The following SDK1 variants were observed in gnomAD, a reference collection of about 807,000 sequenced individuals.
SDK1 encodes sidekick cell adhesion molecule 1, also known as protein sidekick-1.
SDK1 carries 157 observed loss-of-function variants against 245.5 expected under a neutral mutation model. The ratio of observed to expected loss-of-function variants is 0.64; its 90% CI spans 0.56 to 0.73. The LOEUF is 0.73. Among genes scored for constraint, SDK1 ranks in the 30% least tolerant of loss-of-function variants. The pLI is 0.00. For missense variants in SDK1, 3,583 were observed against 3,002.3 expected, an observed-to-expected ratio of 1.19 and a Z score of -4.52; for synonymous variants, 1,647 against 1,278.5, an observed-to-expected ratio of 1.29 and a Z score of -6.15.
chr7:3,952,915 C>G (rs921018391), intron 7 of SDK1, among the ~76,000 whole-genome samples: 5 of 152,108 alleles, frequency 3.3e-5, no homozygotes, highest in Admixed American at 6.5e-5. Flanking sequence ...CTTTATTTCT[C>G]TCATTTTTCC....
chr7:3,828,587 G>C (rs1320091222), intron 5 of SDK1, among the ~76,000 whole-genome samples: 1 of 140,650 alleles, frequency 7.1e-6, no homozygotes, highest in African/African-American at 2.6e-5. Context: ...GAGAAGGTTT[G>C]TTTTGGTTTG....
At chr7:3,379,039 G>A (rs543288749) in intron 1 of SDK1, among the ~76,000 whole-genome samples, 19 of 152,254 alleles carry the variant, frequency 1.2e-4, no homozygotes, top group Admixed American at 3.3e-4. Flanking sequence ...GCTTCTCCTG[G>A]CCTGTGCTGC....
At chr7:3,569,384 C>T (rs1009336604) in intron 1 of SDK1, among the ~76,000 whole-genome samples, 4 of 152,160 alleles carry the variant, frequency 2.6e-5, no homozygotes, top group Admixed American at 2.0e-4. Flanking sequence ...ACCTGGTTCC[C>T]AAGGTTCATG....
intron 4 of SDK1, among the ~76,000 whole-genome samples, chr7:3,783,234 G>A (rs780401476): frequency 6.6e-6 from 1 of 152,204 alleles, no homozygotes; most frequent in African/African-American, 2.4e-5. Flanking sequence ...CAAAGGCCGT[G>A]TGAGAGAATC....
intron 1 of SDK1, among the ~76,000 whole-genome samples, chr7:3,427,491 C>A (rs1201724578): frequency 1.3e-5 from 2 of 148,580 alleles, no homozygotes; most frequent in East Asian, 3.9e-4. Context: ...TGGACTGCAG[C>A]CTGGGTGAGA....
At chr7:3,648,118 A>G (rs1782905194) in intron 4 of SDK1, among the ~76,000 whole-genome samples, 1 of 152,224 alleles carries the variant, frequency 6.6e-6, no homozygotes, top group African/African-American at 2.4e-5. Flanking sequence ...ATATAAATAC[A>G]GTCTAATTTG....
intron 1 of SDK1, among the ~76,000 whole-genome samples, chr7:3,412,635 T>C (rs1229200228): frequency 6.6e-6 from 1 of 152,230 alleles, no homozygotes; most frequent in Non-Finnish European, 1.5e-5. Flanking sequence ...GATAAATTCC[T>C]AGAATGGCTG....
chr7:3,461,456 G>T (rs1002162171), intron 1 of SDK1, among the ~76,000 whole-genome samples: 1 of 152,106 alleles, frequency 6.6e-6, no homozygotes, highest in Non-Finnish European at 1.5e-5. Context: ...GAATTTCTTT[G>T]TACAGAAGTC....
At chr7:3,735,733 C>G (rs529545207) in intron 4 of SDK1, among the ~76,000 whole-genome samples, 1 of 152,180 alleles carries the variant, frequency 6.6e-6, no homozygotes, top group Non-Finnish European at 1.5e-5. Context: ...TTTAAGGAAC[C>G]TCCATACTGT....
intron 4 of SDK1, among the ~76,000 whole-genome samples, chr7:3,819,397 G>A (rs771788159): frequency 3.3e-5 from 5 of 151,284 alleles, no homozygotes; most frequent in South Asian, 2.1e-4. Flanking sequence ...AAATAATATC[G>A]AGAATTCATG....
intron 4 of SDK1, among the ~76,000 whole-genome samples, chr7:3,692,070 G>C (rs1017825602): frequency 3.9e-5 from 6 of 152,084 alleles, no homozygotes; most frequent in African/African-American, 1.4e-4. Flanking sequence ...AGACGGTTAT[G>C]CTTCCTACTC....
intron 1 of SDK1, among the ~76,000 whole-genome samples, chr7:3,613,430 GCCTT>G (rs1001651959): frequency 5.9e-5 from 9 of 152,258 alleles, no homozygotes; most frequent in African/African-American, 1.9e-4. Context: ...TGTTGTGTAA[GCCTT>G]CCTTTTTCTC....
At chr7:3,586,269 C>A (rs527356977) in intron 1 of SDK1, among the ~76,000 whole-genome samples, 2 of 152,070 alleles carry the variant, frequency 1.3e-5, no homozygotes, top group South Asian at 2.1e-4. Context: ...TCAACATAGA[C>A]CTCCGAAAGA....
intron 35 of SDK1, among the ~76,000 whole-genome samples, chr7:4,193,342 T>C (rs1252709533): frequency 8.2e-6 from 1 of 122,148 alleles, no homozygotes; most frequent in Non-Finnish European, 1.6e-5. Flanking sequence ...TATATTAATT[T>C]ATATAATATA....
chr7:3,455,155 T>C (rs1206539783), intron 1 of SDK1, among the ~76,000 whole-genome samples: 1 of 152,096 alleles, frequency 6.6e-6, no homozygotes, highest in Non-Finnish European at 1.5e-5. Context: ...TTTTTTACTG[T>C]TGAGTTTTAA....
At chr7:3,664,169 T>G (rs1329765701) in intron 4 of SDK1, among the ~76,000 whole-genome samples, 1 of 152,186 alleles carries the variant, frequency 6.6e-6, no homozygotes, top group African/African-American at 2.4e-5. Flanking sequence ...CTTGGTGGAA[T>G]GCTTGACAAA....
intron 5 of SDK1, among the ~76,000 whole-genome samples, chr7:3,824,073 C>G (rs1419126216): frequency 6.6e-6 from 1 of 151,354 alleles, no homozygotes; most frequent in African/African-American, 2.4e-5. Flanking sequence ...TTTCTGGCAT[C>G]CAGTGAGGGC....
At chr7:4,197,778 C>T (rs1277807341) in intron 35 of SDK1, among the ~76,000 whole-genome samples, 1 of 152,168 alleles carries the variant, frequency 6.6e-6, no homozygotes, top group South Asian at 2.1e-4. Context: ...TGCTGTCTGG[C>T]GCAGGCGCTC....
chr7:3,874,537 A>T (rs1019737134), intron 5 of SDK1, among the ~76,000 whole-genome samples: 2 of 152,012 alleles, frequency 1.3e-5, no homozygotes, highest in Non-Finnish European at 2.9e-5. Context: ...CTCCTTCCCT[A>T]CCTGTCATGC....
Sources: gnomAD v4.1 joint callset for allele counts (sites outside exome capture counted in the v4.1 genomes callset) on GRCh38, gnomAD v4.1.1 for gene constraint, MANE v1.5 for transcripts, NCBI Gene and HGNC (gene_info 2026-07-23, HGNC 2026-07-21) for gene names.